RBMS3: variants seen among roughly 807,000 people sequenced by gnomAD.
RBMS3 encodes RNA binding motif single stranded interacting protein 3.
Under a neutral mutation model 66.8 loss-of-function variants are expected in RBMS3, and 27 were observed. That is an observed-to-expected ratio of 0.40 (90% CI 0.30 to 0.56). The LOEUF (loss-of-function observed/expected upper bound fraction) is 0.56, where lower values mean the gene tolerates loss of function less well. Among genes scored for constraint, RBMS3 ranks in the 20% least tolerant of loss-of-function variants. The pLI is 0.40. For missense variants in RBMS3, 513 were observed against 549.5 expected (o/e 0.93, Z 0.66); for synonymous variants, 188 against 183.0 (o/e 1.03, Z -0.22).
intron 6 of RBMS3, among the ~76,000 whole-genome samples, chr3:29,866,077 TAAA>T (rs35591949): frequency 0.024 from 2,491 of 105,546 alleles, 76 homozygotes; most frequent in African/African-American, 0.092. Context: ...CACCAAATAC[TAAA>T]AAAAAAAAAA....
intron 1 of RBMS3, among the ~76,000 whole-genome samples, chr3:29,417,848 CAAGGA>C (rs886821595): frequency 6.6e-6 from 1 of 151,972 alleles, no homozygotes; most frequent in African/African-American, 2.4e-5. Flanking sequence ...AATCTACTGA[CAAGGA>C]AAGGAATTGT....
intron 2 of RBMS3, among the ~76,000 whole-genome samples, chr3:29,458,561 G>A (rs967737474): frequency 3.9e-5 from 6 of 152,244 alleles, no homozygotes; most frequent in African/African-American, 1.2e-4. Context: ...CTAATAAGAT[G>A]TAAATGCTAT....
intron 12 of RBMS3, among the ~76,000 whole-genome samples, chr3:29,981,227 C>T (rs931649275): frequency 2.6e-5 from 4 of 151,882 alleles, no homozygotes; most frequent in African/African-American, 9.7e-5. Flanking sequence ...TGATTTGGCT[C>T]TCTGTCTATT....
intron 3 of RBMS3, among the ~76,000 whole-genome samples, chr3:29,526,520 C>CA (rs61483868): frequency 5.6e-5 from 2 of 35,936 alleles, no homozygotes; most frequent in African/African-American, 9.7e-5. Context: ...GACTCCATCT[C>CA]AAAAAAAAAA....
intron 8 of RBMS3, among the ~76,000 whole-genome samples, chr3:29,889,267 A>G (rs2059944686): frequency 6.6e-6 from 1 of 151,702 alleles, no homozygotes; most frequent in Non-Finnish European, 1.5e-5. Context: ...ACACATACAC[A>G]TGCACACACA....
chr3:29,609,899 T>C (rs1311367852), intron 4 of RBMS3, among the ~76,000 whole-genome samples: 1 of 152,086 alleles, frequency 6.6e-6, no homozygotes, highest in South Asian at 2.1e-4. Flanking sequence ...ATTGAACCCA[T>C]GTCCAAGTCA....
At chr3:29,636,396 A>G (rs2049474885) in intron 4 of RBMS3, among the ~76,000 whole-genome samples, 1 of 151,874 alleles carries the variant, frequency 6.6e-6, no homozygotes, top group Admixed American at 6.6e-5. Flanking sequence ...GTGCAAATAA[A>G]AATTTTTCTA....
intron 1 of RBMS3, among the ~76,000 whole-genome samples, chr3:29,413,896 C>T (rs1291754643): frequency 6.6e-6 from 1 of 152,010 alleles, no homozygotes; most frequent in Non-Finnish European, 1.5e-5. Flanking sequence ...TCCTTATTCT[C>T]TTTTTGTTCC....
intron 3 of RBMS3, among the ~76,000 whole-genome samples, chr3:29,575,958 CTG>C (rs1439792105): frequency 1.3e-5 from 2 of 152,036 alleles, no homozygotes; most frequent in Non-Finnish European, 1.5e-5. Flanking sequence ...TTTGAATACT[CTG>C]TGTGAAAGGT....
intron 3 of RBMS3, among the ~76,000 whole-genome samples, chr3:29,551,194 T>A (rs1576201911): frequency 6.6e-6 from 1 of 152,274 alleles, no homozygotes; most frequent in East Asian, 1.9e-4. Context: ...AGAAATGAAG[T>A]GAACATTTTT....
At chr3:29,965,686 T>G (rs1427581599) in intron 12 of RBMS3, among the ~76,000 whole-genome samples, 1 of 152,172 alleles carries the variant, frequency 6.6e-6, no homozygotes, top group East Asian at 1.9e-4. Context: ...GTTTTCTGTT[T>G]ACTCTGCTGA....
At chr3:30,000,818 C>G (rs957154473) in intron 14 of RBMS3, among the ~76,000 whole-genome samples, 1 of 152,028 alleles carries the variant, frequency 6.6e-6, no homozygotes, top group Non-Finnish European at 1.5e-5. Context: ...TATTCTCACT[C>G]ATAAGTGGGA....
At chr3:29,593,769 A>G (rs902650199) in intron 4 of RBMS3, among the ~76,000 whole-genome samples, 6 of 152,236 alleles carry the variant, frequency 3.9e-5, no homozygotes, top group Admixed American at 1.3e-4. Flanking sequence ...CCTGCTATCC[A>G]CAAGGATTGT....
chr3:29,602,938 T>C (rs558887445), intron 4 of RBMS3, among the ~76,000 whole-genome samples: 3 of 152,098 alleles, frequency 2.0e-5, no homozygotes, highest in Non-Finnish European at 4.4e-5. Context: ...AAAATCTTAC[T>C]GACACCCAAT....
Position 29,928,211 on chromosome 3 carries a change from T to TATACACACACAC in RBMS3, c.940-7874_940-7873insTACACACACACA, listed in dbSNP as rs1291440563. 1.5e-3 allele frequency among the ~76,000 whole-genome samples: 139 copies of TATACACACACAC among 93,488 alleles called. 3 individuals carry two copies. The highest frequency in any genetic ancestry group is 5.6e-3 in the African/African-American group (133 of 23,640). 61.3% of individuals were successfully genotyped at this position (93,488 alleles called of 152,430 possible). A position where few individuals can be genotyped will look rare whatever the true frequency, so the allele number is the denominator to read the frequency against. Reference sequence around the variant, plus strand: ...ATATATATATATATATATATATATATACACACACACACACACACACACACA... The same window carrying TATACACACACAC: ...ATATATATATATATATATATATATATATACACACACACACACACACACACACACACACACACA... On this transcript the variant is annotated intron_variant, in intron 10 of 14. Transcript: ENST00000383767.
At chr3:29,369,741 G>T (rs1487287231) in intron 1 of RBMS3, among the ~76,000 whole-genome samples, 2 of 152,046 alleles carry the variant, frequency 1.3e-5, no homozygotes, top group African/African-American at 4.8e-5. Context: ...ATGTGGAATA[G>T]ATTATTGATC....
chr3:29,426,596 C>T (rs2040969223), intron 1 of RBMS3, among the ~76,000 whole-genome samples: 1 of 152,218 alleles, frequency 6.6e-6, no homozygotes, highest in Admixed American at 6.5e-5. Context: ...TTTGTAAATG[C>T]TTTGAAACCA....
intron 14 of RBMS3, among the ~76,000 whole-genome samples, chr3:29,995,480 A>T (rs1245258694): frequency 2.6e-5 from 4 of 151,930 alleles, no homozygotes; most frequent in Non-Finnish European, 4.4e-5. Context: ...ACCAAAGTTG[A>T]AATGAAGGGA....
intron 1 of RBMS3, among the ~76,000 whole-genome samples, chr3:29,292,609 C>G (rs2032909775): frequency 6.6e-6 from 1 of 151,592 alleles, no homozygotes; most frequent in Admixed American, 6.6e-5. Context: ...GTCGTTTAAA[C>G]TGTGAAGAGT....
Sources: gnomAD v4.1 joint callset for allele counts (sites outside exome capture counted in the v4.1 genomes callset) on GRCh38, gnomAD v4.1.1 for gene constraint, MANE v1.5 for transcripts, NCBI Gene and HGNC (gene_info 2026-07-23, HGNC 2026-07-21) for gene names.